PLCG2: variants seen among roughly 807,000 people sequenced by gnomAD.
PLCG2 encodes the protein phospholipase C gamma 2.
Under a neutral mutation model 175.6 loss-of-function variants are expected in PLCG2, and 69 were observed. The ratio of observed to expected loss-of-function variants is 0.39; its 90% CI spans 0.32 to 0.48. PLCG2 has a LOEUF of 0.48. Ranked by LOEUF, PLCG2 falls within the 20% of genes least tolerant of loss-of-function variation. The probability of loss-of-function intolerance (pLI) is 0.91; values close to 1 mark genes in which losing one functional copy is unlikely to be tolerated. For synonymous variants in PLCG2, 827 were observed against 624.0 expected, an observed-to-expected ratio of 1.33 and a Z score of -4.85; for missense variants, 1,798 against 1,650.9, an observed-to-expected ratio of 1.09 and a Z score of -1.54.
intron 2 of PLCG2, among the ~76,000 whole-genome samples, chr16:81,831,972 A>C (rs1228758257): frequency 6.6e-6 from 1 of 152,222 alleles, no homozygotes; most frequent in East Asian, 1.9e-4. Flanking sequence ...CCCTAGCGGA[A>C]GGGACTGACT....
chr16:81,769,820 A>C, intron 2 of PLCG2, among the ~76,000 whole-genome samples: 1 of 7,782 alleles, frequency 1.3e-4, no homozygotes, highest in Non-Finnish European at 3.9e-4. Context: ...ACTCCGTCTC[A>C]AAAAAAAAAA....
In PLCG2 at chr16:81,939,952, A is replaced by G. The variant is rs374877793; in HGVS notation, c.3374A>G (p.Tyr1125Cys). The G allele has an allele frequency of 8.1e-6, 13 of 1,613,878 alleles. No homozygotes were observed. In the African/African-American group the frequency reaches 1.2e-4, roughly 15 times the overall value. ...PTQEKVTFEIYDPNLAFLRFV... is the reference protein window; with the variant it reads ...PTQEKVTFEICDPNLAFLRFV... ...CAGGAGAAGGTGACATTTGAAATTT[A>G]TGACCCAAACCTGGCATTTCTGCGC... The change falls in exon 30 of 33, where the codon TAT (tyrosine) becomes TGT (cysteine). Residue 1125 changes from tyrosine (Y) to cysteine (C), a missense_variant. Physicochemically the swap from Tyr to Cys is radical, Grantham distance 194 (BLOSUM62 -2). Coordinates refer to ENST00000564138, the MANE Select transcript of PLCG2 (RefSeq NM_002661.5).
intron 31 of PLCG2, among the ~76,000 whole-genome samples, chr16:81,949,309 C>T (rs1911275285): frequency 6.6e-6 from 1 of 152,190 alleles, no homozygotes; most frequent in South Asian, 2.1e-4. Context: ...GAATAGAAAA[C>T]ACATCCATAC....
intron 1 of PLCG2, among the ~76,000 whole-genome samples, chr16:81,741,284 T>C (rs940782767): frequency 6.6e-6 from 1 of 152,232 alleles, no homozygotes; most frequent in African/African-American, 2.4e-5. Context: ...ATTTTACAGA[T>C]GAGGAAACTA....
chr16:81,820,607 A>G (rs1490939165), intron 2 of PLCG2, among the ~76,000 whole-genome samples: 2 of 118,570 alleles, frequency 1.7e-5, no homozygotes, highest in Admixed American at 2.0e-4. Context: ...CCTCTGTATA[A>G]TGGGGAAACA....
rs763777636 is a variant in PLCG2, at chr16:81,936,336, C to T, written c.3010C>T (p.Leu1004=). 1 of 1,614,158 alleles carries T rather than the reference C, an allele frequency of 6.2e-7. No homozygotes were observed. Among genetic ancestry groups the T allele is most frequent in the Non-Finnish European group, 8.5e-7 (1 of 1,180,042 alleles). Residue 1004 remains leucine (L), a synonymous_variant, in exon 27 of 33, where the codon CTG becomes TTG. Coordinates refer to ENST00000564138, the MANE Select transcript of PLCG2 (RefSeq NM_002661.5). ...AAACTACGACCCCTTCCGCCTCTGG[C>T]TGTGCGGTTCTCAGATGGTGGCACT... ...SSNYDPFRLW[L]CGSQMVALNF... is the part of the protein sequence containing the mutation.
chr16:81,831,474 T>G (rs979956228), intron 2 of PLCG2, among the ~76,000 whole-genome samples: 1 of 152,228 alleles, frequency 6.6e-6, no homozygotes, highest in African/African-American at 2.4e-5. Context: ...CTCATGTCAA[T>G]GCCACGAAAC....
intron 15 of PLCG2, 124 bp downstream of exon 15, chr16:81,905,631 C>T: frequency 7.5e-6 from 5 of 662,952 alleles, no homozygotes; most frequent in Non-Finnish European, 1.4e-5. Context: ...TGAGTTTTTG[C>T]CATGTGAATT....
intron 2 of PLCG2, among the ~76,000 whole-genome samples, chr16:81,853,570 G>C (rs75080768): frequency 6.6e-6 from 1 of 152,120 alleles, no homozygotes; most frequent in African/African-American, 2.4e-5. Flanking sequence ...CCTCGCATGC[G>C]TAGTTCACCG....
At chr16:81,833,380 C>G (rs548574018) in intron 2 of PLCG2, among the ~76,000 whole-genome samples, 1 of 151,980 alleles carries the variant, frequency 6.6e-6, no homozygotes, top group Non-Finnish European at 1.5e-5. Flanking sequence ...GGTCGGTACA[C>G]GGGTCCTGAG....
chr16:81,880,835 C>T, intron 7 of PLCG2, 75 bp from the exon 8 acceptor site: 21 of 1,384,718 alleles, frequency 1.5e-5, no homozygotes, highest in Non-Finnish European at 1.9e-5. Flanking sequence ...GCTTTTTTAA[C>T]AACAAAAATC....
chr16:81,802,924 A>G (rs1911798180), intron 2 of PLCG2, among the ~76,000 whole-genome samples: 1 of 152,174 alleles, frequency 6.6e-6, no homozygotes, highest in Non-Finnish European at 1.5e-5. Context: ...GGTTTTTAGT[A>G]TATTCAGAGT....
chr16:81,784,355 A>G (rs1210427390), intron 1 of PLCG2, among the ~76,000 whole-genome samples: 1 of 152,222 alleles, frequency 6.6e-6, no homozygotes, highest in Non-Finnish European at 1.5e-5. Flanking sequence ...CATACATTGT[A>G]GCTTTTTGTC....
intron 2 of PLCG2, among the ~76,000 whole-genome samples, chr16:81,804,831 G>A (rs1402551281): frequency 6.6e-6 from 1 of 152,198 alleles, no homozygotes; most frequent in Non-Finnish European, 1.5e-5. Flanking sequence ...AGTGCTGCTG[G>A]CACCAGGATG....
chr16:81,829,307 C>A (rs1905168125), intron 2 of PLCG2, among the ~76,000 whole-genome samples: 1 of 152,278 alleles, frequency 6.6e-6, no homozygotes, highest in Middle Eastern at 3.4e-3. Context: ...TGGGATTTCA[C>A]CCTGTTGGTC....
At chr16:81,915,697 C>T (rs925551221) in intron 19 of PLCG2, among the ~76,000 whole-genome samples, 8 of 152,128 alleles carry the variant, frequency 5.3e-5, no homozygotes, top group Non-Finnish European at 1.0e-4. Flanking sequence ...TGTGGATCCC[C>T]GATGCTGTGG....
chr16:81,790,149 G>T (rs1245901472), intron 2 of PLCG2, among the ~76,000 whole-genome samples: 2 of 152,212 alleles, frequency 1.3e-5, no homozygotes, highest in Non-Finnish European at 2.9e-5. Context: ...CATTGGAGAG[G>T]CTCGGCTGAA....
Position 81,961,473 on chromosome 16 carries a change from T to C in PLCG2, c.*3475T>C. 1 of 224,854 alleles carries C rather than the reference T, an allele frequency of 4.4e-6. No homozygotes were observed. The highest frequency in any genetic ancestry group is 8.9e-6 in the Non-Finnish European group (1 of 112,872). The allele number at this position is 224,854 out of a possible 1,614,324, so 13.9% of individuals were successfully genotyped here. On this transcript the variant is annotated 3_prime_UTR_variant, in exon 33 of 33. Coordinates refer to ENST00000564138, the MANE Select transcript of PLCG2 (RefSeq NM_002661.5). Reference sequence around the variant, plus strand: ...CAATCCAGAGGAAAATTTTAAAGGCTTACAGCCTTAGGATTATAGGATACT... The same window carrying C: ...CAATCCAGAGGAAAATTTTAAAGGCCTACAGCCTTAGGATTATAGGATACT...
intron 13 of PLCG2, 128 bp from the exon 14 acceptor site, chr16:81,900,484 G>A (rs1567523401): frequency 2.8e-6 from 2 of 709,660 alleles, no homozygotes; most frequent in Non-Finnish European, 4.5e-6. Flanking sequence ...GAGGGCAGAT[G>A]TGGGGGTTGT....
Sources: allele counts gnomAD v4.1 joint callset (sites outside exome capture counted in the v4.1 genomes callset), GRCh38; gene constraint gnomAD v4.1.1; transcripts MANE v1.5; gene names NCBI Gene and HGNC (gene_info 2026-07-23, HGNC 2026-07-21).